Variants in SACM1L observed in about 807,000 individuals in gnomAD.
The protein encoded by SACM1L is phosphatidylinositol-3-phosphatase SAC1.
A neutral mutation model predicts 89.5 loss-of-function variants in SACM1L; 32 were observed. The ratio of observed to expected loss-of-function variants is 0.36; its 90% confidence interval spans 0.27 to 0.48. The LOEUF is 0.48. Ranked by LOEUF, SACM1L falls within the 20% of genes least tolerant of loss-of-function variation. The probability of loss-of-function intolerance (pLI) is 0.99; values close to 1 mark genes in which losing one functional copy is unlikely to be tolerated. For synonymous variants in SACM1L, 213 were observed against 232.8 expected (o/e 0.92, Z 0.77); for missense variants, 543 against 708.5 (o/e 0.77, Z 2.65).
intron 1 of SACM1L, among the ~76,000 whole-genome samples, chr3:45,691,181 G>A (rs756566463): frequency 1.2e-4 from 18 of 152,154 alleles, no homozygotes; most frequent in Non-Finnish European, 2.1e-4. Flanking sequence ...GGGTGATAAA[G>A]TCAAACTGGG....
intron 13 of SACM1L, 126 bp from the exon 14 acceptor site, chr3:45,735,109 C>T: frequency 1.1e-6 from 1 of 926,592 alleles, no homozygotes; most frequent in Non-Finnish European, 1.6e-6. Context: ...ACCACACATT[C>T]CTGTCTGACC....
At chr3:45,727,927 C>T (rs370495644) in intron 11 of SACM1L, among the ~76,000 whole-genome samples, 3 of 152,298 alleles carry the variant, frequency 2.0e-5, no homozygotes, top group South Asian at 4.1e-4. Flanking sequence ...CTGTTTCTCC[C>T]TTCAGTTCTG....
chr3:45,716,594 T>C (rs954322064), intron 7 of SACM1L, among the ~76,000 whole-genome samples: 1 of 152,056 alleles, frequency 6.6e-6, no homozygotes, highest in African/African-American at 2.4e-5. Flanking sequence ...CCTACCACTG[T>C]AGAAGGGAAG....
intron 11 of SACM1L, among the ~76,000 whole-genome samples, chr3:45,726,297 C>T (rs771345981): frequency 6.6e-6 from 1 of 151,604 alleles, no homozygotes; most frequent in African/African-American, 2.4e-5. Context: ...TGGTACAATT[C>T]ACTGGTGAGT....
At chr3:45,738,746 C>T (rs1333883068) in intron 17 of SACM1L, 35 bp from the exon 18 acceptor site, 2 of 1,538,844 alleles carry the variant, frequency 1.3e-6, no homozygotes, top group East Asian at 2.2e-5. Flanking sequence ...TGTTATCTCA[C>T]ACTGAGTTTA....
At chr3:45,699,583 A>C (rs959570177) in intron 1 of SACM1L, among the ~76,000 whole-genome samples, 3 of 152,180 alleles carry the variant, frequency 2.0e-5, no homozygotes, top group Non-Finnish European at 4.4e-5. Context: ...GCTGGAATGC[A>C]ATGGCATGAT....
rs765184453 is a variant in SACM1L at position 45,723,540 on chromosome 3, T to A, written c.918T>A (p.Asn306Lys). Residue 306 changes from asparagine to lysine, a missense_variant, in exon 11 of 20, where the codon AAT becomes AAA. By Grantham distance (94) the Asn-to-Lys change is moderately conservative (BLOSUM62 0). Around this residue, in one of 2 missense-constraint regions of SACM1L, gnomAD observed 370 missense variants for 527.6 expected, o/e 0.70. Transcript: ENST00000389061. ...TTTATGGAAAACAAGTTATAATCAATCTGGTATGTTTCTTATGTTTCTTGG... is the reference window on the plus strand; with the variant it reads ...TTTATGGAAAACAAGTTATAATCAAACTGGTATGTTTCTTATGTTTCTTGG... ...VIIYGKQVII[N>K]LINQKGSEKP... is the part of the protein sequence containing the mutation. The A allele has an allele frequency of 6.9e-7, 1 of 1,457,108 alleles. No homozygotes were observed. The highest frequency in any genetic ancestry group is 9.3e-7 in the Non-Finnish European group (1 of 1,080,208). 90.3% of individuals were successfully genotyped at this position (1,457,108 alleles called of 1,614,324 possible). A position where few individuals can be genotyped will look rare whatever the true frequency, so the allele number is the denominator to read the frequency against.
At chr3:45,723,003 T>A in intron 10 of SACM1L, 48 bp downstream of exon 10, 1 of 1,337,570 alleles carries the variant, frequency 7.5e-7, no homozygotes, top group East Asian at 2.3e-5. Context: ...AGAAGCTTAA[T>A]AGCATTATAA....
At position 45,722,067 on chromosome 3, in the gene SACM1L, C is replaced by T. The variant is rs1470377502; in HGVS notation, c.747C>T (p.Ser249=). ...AACAAATTGTGCACTACAATGGGAG[C>T]AAAGCTTCGTTTGTACAGGCAAGTT... ...ETEQIVHYNG[S]KASFVQTRGS... The change falls in exon 9 of 20, where the codon AGC becomes AGT. Residue 249 remains serine, a synonymous_variant. Coordinates refer to ENST00000389061, the MANE Select transcript of SACM1L (RefSeq NM_014016.5). The T allele has an allele frequency of 1.9e-6, 3 of 1,610,718 alleles. No homozygotes were observed. In the South Asian group the frequency reaches 3.3e-5, roughly 18 times the overall value.
At chr3:45,705,624 T>C (rs778210020) in intron 3 of SACM1L, among the ~76,000 whole-genome samples, 1 of 151,820 alleles carries the variant, frequency 6.6e-6, no homozygotes, top group Non-Finnish European at 1.5e-5. Context: ...TGCCTCAGCT[T>C]CCTGAGTAGC....
chr3:45,738,491 T>C (rs1699249640), intron 16 of SACM1L, 87 bp from the exon 17 acceptor site: 1 of 768,720 alleles, frequency 1.3e-6, no homozygotes, highest in East Asian at 2.5e-5. Context: ...CACTCACTTA[T>C]TTCTATACCT....
intron 18 of SACM1L, 108 bp downstream of exon 18, chr3:45,738,981 C>A (rs1164289516): frequency 1.5e-6 from 1 of 679,174 alleles, no homozygotes; most frequent in Non-Finnish European, 2.5e-6. Flanking sequence ...TATTTCATTA[C>A]ATGAAATATA....
chr3:45,703,294 A>G (rs939667190), intron 1 of SACM1L, 144 bp from the exon 2 acceptor site: 19 of 575,020 alleles, frequency 3.3e-5, no homozygotes, highest in African/African-American at 3.2e-4. Flanking sequence ...GTGAACTCAT[A>G]AGGACAGCAA....
chr3:45,704,239 ATATT>A (rs1240113387), intron 2 of SACM1L, among the ~76,000 whole-genome samples: 9 of 152,244 alleles, frequency 5.9e-5, no homozygotes, highest in Admixed American at 5.9e-4. Flanking sequence ...CCAGAGTTCT[ATATT>A]TATTTTTTTC....
rs183394490 is a variant in SACM1L, at chr3:45,745,263, G to T, written c.*1594G>T. On this transcript the variant is annotated 3_prime_UTR_variant, in exon 20 of 20. Transcript: ENST00000389061. Reference sequence around the variant, plus strand: ...CTACAACAAAGACCAAATCTGAACTGCTAATGTGGCTGCTTTGTAGGGAAT... The same window carrying T: ...CTACAACAAAGACCAAATCTGAACTTCTAATGTGGCTGCTTTGTAGGGAAT... 538 of 152,734 alleles carry T rather than the reference G, an allele frequency of 3.5e-3. 3 individuals carry two copies. The highest frequency in any genetic ancestry group is 5.5e-3 in the Non-Finnish European group (377 of 68,028). The allele number at this position is 152,734 out of a possible 1,614,324, so 9.5% of individuals were successfully genotyped here. A position where few individuals can be genotyped will look rare whatever the true frequency, so the allele number is the denominator to read the frequency against.
At chr3:45,701,378 C>T (rs1284321946) in intron 1 of SACM1L, among the ~76,000 whole-genome samples, 1 of 152,166 alleles carries the variant, frequency 6.6e-6, no homozygotes, top group Non-Finnish European at 1.5e-5. Context: ...GGAATGTATT[C>T]ATCACCTGCC....
At chr3:45,723,042 C>T (rs558260973) in intron 10 of SACM1L, 87 bp downstream of exon 10, 9 of 1,117,732 alleles carry the variant, frequency 8.1e-6, no homozygotes, top group Non-Finnish European at 1.1e-5. Flanking sequence ...ATTTATTCCG[C>T]ATAAATCAAT....
chr3:45,709,351 A>G, intron 4 of SACM1L, 147 bp from the exon 5 acceptor site: 2 of 630,044 alleles, frequency 3.2e-6, no homozygotes, highest in Non-Finnish European at 5.4e-6. Flanking sequence ...ATCCCAGGGA[A>G]ATGGCGAGCA....
At position 45,723,950 on chromosome 3, in the gene SACM1L, GCACACACACACACAGA is replaced by G. The variant is rs1276879355; in HGVS notation, c.921+422_921+437del. Among the ~76,000 whole-genome samples the G allele has an allele frequency of 5.1e-5, 6 of 117,452 alleles. No homozygotes were observed. The East Asian group carries it at 1.1e-3, about 21-fold the overall frequency. The allele number at this position is 117,452 out of a possible 152,430, so 77.1% of individuals were successfully genotyped here. A position where few individuals can be genotyped will look rare whatever the true frequency, so the allele number is the denominator to read the frequency against. ...CCATTGTGTATGTGTATGCATATAT[GCACACACACACACAGA>G]CACACACACACACACACATATACAT... On this transcript the variant is annotated intron_variant, in intron 11 of 19. Transcript: ENST00000389061.
Sources: allele counts gnomAD v4.1 joint callset (sites outside exome capture counted in the v4.1 genomes callset), GRCh38; gene constraint gnomAD v4.1.1; regional missense constraint gnomAD v4.1.1; transcripts MANE v1.5; gene names NCBI Gene and HGNC (gene_info 2026-07-23, HGNC 2026-07-21).